Variants in RAD51B observed in about 807,000 individuals in gnomAD.
The protein encoded by RAD51B is RAD51 paralog B.
In RAD51B, 38 loss-of-function variants were observed where a neutral mutation model predicts 42.2. The ratio of observed to expected loss-of-function variants is 0.90; its 90% CI spans 0.70 to 1.18. The LOEUF (loss-of-function observed/expected upper bound fraction) is 1.18, where lower values mean the gene tolerates loss of function less well. Among genes scored for constraint, RAD51B ranks in the 50% most tolerant of loss-of-function variants. The pLI, the probability that RAD51B is intolerant of heterozygous loss-of-function variation, is 0.00. For synonymous variants in RAD51B, 154 were observed against 145.2 expected, an observed-to-expected ratio of 1.06 and a Z score of -0.43; for missense variants, 373 against 400.7, an observed-to-expected ratio of 0.93 and a Z score of 0.59.
At chr14:68,599,606 A>G (rs1891139882), downstream of RAD51B, among the ~76,000 whole-genome samples, 1 of 152,240 alleles carries the variant, frequency 6.6e-6, no homozygotes, top group African/African-American at 2.4e-5. Flanking sequence ...CCCCATCTAC[A>G]TTAAACTTGT....
At chr14:68,628,860 C>T (rs527699282) in intron 10 of RAD51B, among the ~76,000 whole-genome samples, 3 of 152,304 alleles carry the variant, frequency 2.0e-5, no homozygotes, top group South Asian at 4.1e-4. Context: ...GACCGCACAG[C>T]CTCGGGCATG....
intron 7 of RAD51B, among the ~76,000 whole-genome samples, chr14:67,901,741 G>A (rs994533468): frequency 9.9e-5 from 15 of 152,158 alleles, no homozygotes; most frequent in Non-Finnish European, 1.8e-4. Context: ...GCCATAAAAA[G>A]AATGAAATAA....
At chr14:68,192,051 A>G (rs905840402) in intron 7 of RAD51B, among the ~76,000 whole-genome samples, 7 of 152,216 alleles carry the variant, frequency 4.6e-5, no homozygotes, top group African/African-American at 1.7e-4. Flanking sequence ...CTTCCCAGCC[A>G]TGTGACATAG....
intron 7 of RAD51B, among the ~76,000 whole-genome samples, chr14:67,934,196 A>G (rs996754877): frequency 4.6e-5 from 7 of 152,150 alleles, no homozygotes; most frequent in African/African-American, 1.7e-4. Flanking sequence ...TTAATTAGAA[A>G]ACTGTGAATA....
intron 7 of RAD51B, among the ~76,000 whole-genome samples, chr14:67,994,987 T>C (rs1706638877): frequency 6.6e-6 from 1 of 152,236 alleles, no homozygotes; most frequent in African/African-American, 2.4e-5. Context: ...GAGGATGTTA[T>C]GCTAAGTGAA....
chr14:68,546,350 G>C (rs1208819963), intron 10 of RAD51B, among the ~76,000 whole-genome samples: 2 of 152,178 alleles, frequency 1.3e-5, no homozygotes, highest in Non-Finnish European at 2.9e-5. Context: ...GGGTCCAGAG[G>C]TTTCCATGTG....
At chr14:68,119,984 T>C (rs1056513996) in intron 7 of RAD51B, among the ~76,000 whole-genome samples, 2 of 152,012 alleles carry the variant, frequency 1.3e-5, no homozygotes, top group East Asian at 1.9e-4. Flanking sequence ...GCACCTGTTG[T>C]TTCCTGACTT....
At chr14:68,539,180 C>A (rs956063694) in intron 10 of RAD51B, among the ~76,000 whole-genome samples, 2 of 152,188 alleles carry the variant, frequency 1.3e-5, no homozygotes, top group Non-Finnish European at 2.9e-5. Context: ...GGGATCCCCC[C>A]TTTCTCCATG....
intron 10 of RAD51B, among the ~76,000 whole-genome samples, chr14:68,636,958 C>T (rs1892353976): frequency 6.6e-6 from 1 of 152,226 alleles, no homozygotes; most frequent in Admixed American, 6.5e-5. Flanking sequence ...CCTGTCTCTG[C>T]TTTGATTTTC....
intron 5 of RAD51B, among the ~76,000 whole-genome samples, chr14:67,879,143 G>A (rs1405423695): frequency 6.6e-6 from 1 of 152,226 alleles, no homozygotes; most frequent in Non-Finnish European, 1.5e-5. Context: ...CCATAGGGCA[G>A]GCTGTTGGAA....
At position 68,150,667 on chromosome 14, in the gene RAD51B, C is replaced by T. The variant is rs537407365; in HGVS notation, c.757-141217C>T. On this transcript the variant is annotated intron_variant, in intron 7 of 10. Coordinates refer to ENST00000471583, the MANE Select transcript of RAD51B (RefSeq NM_133510.4). ...TGACTTATGTACATTAACCTTATAT[C>T]TTATTTGTTTTTGGATTTGTGTTTT... is the stretch of plus-strand genomic sequence containing the variant. Among the ~76,000 whole-genome samples, 3 of 152,118 alleles carry T rather than the reference C, an allele frequency of 2.0e-5. No individual in the cohort carries two copies. The South Asian group carries it at 6.2e-4, about 32-fold the overall frequency.
chr14:68,451,050 G>C (rs762856807), intron 9 of RAD51B, among the ~76,000 whole-genome samples: 2 of 152,020 alleles, frequency 1.3e-5, no homozygotes, highest in Non-Finnish European at 2.9e-5. Context: ...TCAGCTTCAG[G>C]GCCCTCTGTT....
chr14:68,277,124 T>C (rs2081240673), intron 7 of RAD51B, among the ~76,000 whole-genome samples: 1 of 152,164 alleles, frequency 6.6e-6, no homozygotes, highest in African/African-American at 2.4e-5. Context: ...CACTTCTTAC[T>C]TCCATAGTCC....
chr14:68,191,339 T>C (rs943243058), intron 7 of RAD51B, among the ~76,000 whole-genome samples: 1 of 152,086 alleles, frequency 6.6e-6, no homozygotes, highest in Non-Finnish European at 1.5e-5. Context: ...TATAACAGAG[T>C]TTGAAACCAT....
At chr14:68,100,888 C>T (rs1425710852) in intron 7 of RAD51B, among the ~76,000 whole-genome samples, 3 of 152,272 alleles carry the variant, frequency 2.0e-5, no homozygotes, top group African/African-American at 7.2e-5. Flanking sequence ...AGTCTGTTCT[C>T]ACCTGCTAAT....
At chr14:68,610,992 C>T (rs1891659942) in intron 10 of RAD51B, 1 of 701,922 alleles carries the variant, frequency 1.4e-6, no homozygotes, top group South Asian at 1.5e-5. Context: ...TGATCTTATT[C>T]TCTCATTTCA....
intron 7 of RAD51B, among the ~76,000 whole-genome samples, chr14:68,256,750 ATC>A (rs1251897186): frequency 1.3e-5 from 2 of 152,076 alleles, no homozygotes; most frequent in Non-Finnish European, 2.9e-5. Context: ...CACTTCACCA[ATC>A]TCTCTTGCCC....
chr14:68,657,804 T>A (rs1446902621), intron 11 of RAD51B, among the ~76,000 whole-genome samples: 2 of 152,220 alleles, frequency 1.3e-5, no homozygotes, highest in Admixed American at 1.3e-4. Flanking sequence ...GCTCATCAGC[T>A]TCATGCTTCA....
intron 8 of RAD51B, among the ~76,000 whole-genome samples, chr14:68,371,519 GA>G (rs951276696): frequency 5.2e-4 from 76 of 146,118 alleles, no homozygotes; most frequent in African/African-American, 1.1e-3. Context: ...TCCATCTGAA[GA>G]AAAAAAAAAG....
Sources: gnomAD v4.1 joint callset for allele counts (sites outside exome capture counted in the v4.1 genomes callset) on GRCh38, gnomAD v4.1.1 for gene constraint, MANE v1.5 for transcripts, NCBI Gene and HGNC (gene_info 2026-07-23, HGNC 2026-07-21) for gene names.